Variants in CDK14 observed in about 807,000 individuals in gnomAD.
CDK14 encodes cyclin dependent kinase 14, also known as cyclin-dependent kinase 14.
Under a neutral mutation model 60.7 loss-of-function variants are expected in CDK14, and 34 were observed. The observed-to-expected ratio is 0.56, with a 90% CI of 0.43 to 0.75. CDK14 has a LOEUF of 0.75. CDK14 is among the 30% of genes least tolerant of loss of function. The probability of loss-of-function intolerance (pLI) is 0.00; values close to 1 mark genes in which losing one functional copy is unlikely to be tolerated. For missense variants in CDK14, 482 were observed against 564.1 expected (o/e 0.85, Z 1.47); for synonymous variants, 197 against 203.7 (o/e 0.97, Z 0.28).
At chr7:91,168,260 C>A (rs371210394) in intron 14 of CDK14, among the ~76,000 whole-genome samples, 1,098 of 122,960 alleles carry the variant, frequency 8.9e-3, no homozygotes, top group South Asian at 9.0e-3. Context: ...GACTCTGTCT[C>A]AAAAAAAAAA....
intron 9 of CDK14, among the ~76,000 whole-genome samples, chr7:90,966,919 C>G (rs553687003): frequency 7.2e-4 from 109 of 152,198 alleles, no homozygotes; most frequent in African/African-American, 2.3e-3. Context: ...GGTTACCTCT[C>G]AAGTACTTGT....
intron 14 of CDK14, among the ~76,000 whole-genome samples, chr7:91,149,559 T>A (rs943803864): frequency 6.6e-6 from 1 of 152,212 alleles, no homozygotes; most frequent in Non-Finnish European, 1.5e-5. Flanking sequence ...ACAATCTTAG[T>A]GCCTTGTCAG....
At chr7:91,038,157 T>C (rs1796985692) in intron 10 of CDK14, among the ~76,000 whole-genome samples, 1 of 152,072 alleles carries the variant, frequency 6.6e-6, no homozygotes, top group African/African-American at 2.4e-5. Flanking sequence ...TCCAGGAAGG[T>C]AGAGTAAGGT....
chr7:91,115,978 G>T (rs963209434), intron 13 of CDK14, among the ~76,000 whole-genome samples: 2 of 152,134 alleles, frequency 1.3e-5, no homozygotes, highest in African/African-American at 4.8e-5. Flanking sequence ...AGTTATCTGG[G>T]GATCTGGCTG....
intron 12 of CDK14, among the ~76,000 whole-genome samples, chr7:91,094,604 A>AG (rs1323967693): frequency 2.0e-5 from 3 of 152,260 alleles, no homozygotes; most frequent in African/African-American, 7.2e-5. Flanking sequence ...TCCTGTCTTC[A>AG]GTTATTTTGT....
At chr7:90,863,352 G>T in intron 6 of CDK14, 83 bp downstream of exon 6, 2 of 745,988 alleles carry the variant, frequency 2.7e-6, no homozygotes, top group Non-Finnish European at 2.2e-6. Context: ...TTCGTTTTTA[G>T]ATTGCTGTAC....
At chr7:90,866,847 C>T (rs571658223) in intron 6 of CDK14, among the ~76,000 whole-genome samples, 6 of 152,158 alleles carry the variant, frequency 3.9e-5, no homozygotes, top group South Asian at 2.1e-4. Context: ...AGTGGTTTAG[C>T]GGCTAATAGG....
At chr7:90,999,282 T>C (rs762561486) in intron 10 of CDK14, among the ~76,000 whole-genome samples, 1 of 151,826 alleles carries the variant, frequency 6.6e-6, no homozygotes, top group Non-Finnish European at 1.5e-5. Context: ...GGGATCAAGC[T>C]GAAGCATTAA....
chr7:90,712,025 C>T (rs1394210438), intron 2 of CDK14, among the ~76,000 whole-genome samples: 3 of 151,032 alleles, frequency 2.0e-5, no homozygotes, highest in Admixed American at 1.3e-4. Flanking sequence ...CACGCAGCTA[C>T]AGTCTACTTT....
intron 2 of CDK14, among the ~76,000 whole-genome samples, chr7:90,696,135 G>T (rs1801650230): frequency 6.6e-6 from 1 of 152,142 alleles, no homozygotes; most frequent in Non-Finnish European, 1.5e-5. Flanking sequence ...AGTATGTTCT[G>T]AAAGGAGAGC....
At chr7:91,118,921 C>T (rs1799695940) in intron 14 of CDK14, among the ~76,000 whole-genome samples, 1 of 152,134 alleles carries the variant, frequency 6.6e-6, no homozygotes, top group African/African-American at 2.4e-5. Context: ...CCAGTCATCA[C>T]ATCACGTGTG....
Position 90,609,250 on chromosome 7 carries a change from C to G in CDK14, c.123+5001C>G, listed in dbSNP as rs547773997. 1.1e-4 allele frequency among the ~76,000 whole-genome samples: 17 copies of G among 152,234 alleles called. No individual in the cohort carries two copies. In the East Asian group the frequency reaches 3.3e-3, roughly 29 times the overall value. The stretch of plus-strand genomic sequence containing the variant: ...ATATTGTTCATGCTGGTCTCGAACT[C>G]CTGGTCTCAGGTGATCCTCCCATCT... On this transcript the variant is annotated intron_variant, in intron 2 of 14. Coordinates refer to ENST00000380050, the MANE Select transcript of CDK14 (RefSeq NM_001287135.2).
chr7:90,830,238 G>C (rs989619328), intron 5 of CDK14, among the ~76,000 whole-genome samples: 2 of 152,208 alleles, frequency 1.3e-5, no homozygotes, highest in Admixed American at 6.5e-5. Flanking sequence ...CTGAAATCTA[G>C]GTGGAGGTTT....
chr7:91,069,277 G>T (rs1798068428), intron 11 of CDK14, among the ~76,000 whole-genome samples: 1 of 152,286 alleles, frequency 6.6e-6, no homozygotes, highest in African/African-American at 2.4e-5. Flanking sequence ...AGCGGCTCGT[G>T]CTTGTAATCT....
chr7:91,103,566 T>C (rs978857270), intron 12 of CDK14, among the ~76,000 whole-genome samples: 1 of 152,190 alleles, frequency 6.6e-6, no homozygotes, highest in East Asian at 1.9e-4. Context: ...AGGTCAGCCC[T>C]GGCAGGCCAG....
At chr7:90,679,255 C>G (rs1235808012) in intron 2 of CDK14, among the ~76,000 whole-genome samples, 1 of 152,212 alleles carries the variant, frequency 6.6e-6, no homozygotes, top group Non-Finnish European at 1.5e-5. Flanking sequence ...CCAGCAGGAA[C>G]AGTTCTTAAA....
intron 10 of CDK14, among the ~76,000 whole-genome samples, chr7:91,031,414 GA>G (rs914871937): frequency 2.0e-5 from 3 of 149,876 alleles, no homozygotes; most frequent in South Asian, 2.1e-4. Flanking sequence ...AATGTTAAGT[GA>G]AAAAAAAATC....
At chr7:90,981,395 C>G (rs935694646) in intron 9 of CDK14, among the ~76,000 whole-genome samples, 2 of 152,142 alleles carry the variant, frequency 1.3e-5, no homozygotes, top group African/African-American at 2.4e-5. Flanking sequence ...TTCTTTACTA[C>G]TTAAATAAAA....
At chr7:90,637,134 T>G (rs1403015500) in intron 2 of CDK14, among the ~76,000 whole-genome samples, 1 of 152,184 alleles carries the variant, frequency 6.6e-6, no homozygotes, top group Non-Finnish European at 1.5e-5. Flanking sequence ...CTCTATTTCC[T>G]TCAGTTCTGC....
Sources: allele counts gnomAD v4.1 joint callset (sites outside exome capture counted in the v4.1 genomes callset), GRCh38; gene constraint gnomAD v4.1.1; transcripts MANE v1.5; gene names NCBI Gene and HGNC (gene_info 2026-07-23, HGNC 2026-07-21).